MMP20: variants seen among roughly 807,000 people sequenced by gnomAD.
The protein encoded by MMP20 is matrix metallopeptidase 20, also known as matrix metalloproteinase-20.
In MMP20, 50 loss-of-function variants were observed where a neutral mutation model predicts 51.8. That is an observed-to-expected ratio of 0.97 (90% CI 0.77 to 1.22). The LOEUF (loss-of-function observed/expected upper bound fraction) is 1.22. Ranked by LOEUF, MMP20 falls within the 50% of genes most tolerant of loss-of-function variation. The probability of loss-of-function intolerance (pLI) is 0.00; values close to 1 mark genes in which losing one functional copy is unlikely to be tolerated. For missense variants in MMP20, 663 were observed against 601.4 expected (o/e 1.10, Z -1.07); for synonymous variants, 244 against 216.2 (o/e 1.13, Z -1.13).
At chr11:102,616,782 T>C in intron 2 of MMP20, 30 bp downstream of exon 2, 2 of 1,613,404 alleles carry the variant, frequency 1.2e-6, no homozygotes, top group Non-Finnish European at 1.7e-6. Flanking sequence ...GGTGTTTTTC[T>C]CTGAATTTGG....
chr11:102,620,517 G>GA (rs11383572), intron 1 of MMP20, among the ~76,000 whole-genome samples: 113,797 of 151,992 alleles, frequency 0.75, 42,835 homozygotes, highest in East Asian at 0.92. Flanking sequence ...TAAAATTGTA[G>GA]ATTTTTGGGT....
At position 102,577,237 on chromosome 11, in the gene MMP20, C is replaced by T; in HGVS notation, c.*89G>A. The T allele has an allele frequency of 1.2e-6, 1 of 849,748 alleles. No individual in the cohort carries two copies. The highest frequency in any genetic ancestry group is 1.8e-5 in the Admixed American group (1 of 55,188). 52.6% of individuals were successfully genotyped at this position (849,748 alleles called of 1,614,324 possible). On this transcript the variant is annotated 3_prime_UTR_variant, in exon 10 of 10. Coordinates refer to ENST00000260228, the MANE Select transcript of MMP20 (RefSeq NM_004771.4). ...TGATTTGAAGGCCTTTGGAAGAATCCCTCTCCTACATTCTGCTTTAGTCCT... is the reference window on the plus strand; with the variant it reads ...TGATTTGAAGGCCTTTGGAAGAATCTCTCTCCTACATTCTGCTTTAGTCCT...
intron 1 of MMP20, among the ~76,000 whole-genome samples, chr11:102,623,095 T>C (rs905369855): frequency 2.6e-5 from 4 of 152,136 alleles, no homozygotes; most frequent in Non-Finnish European, 5.9e-5. Flanking sequence ...GAGTATGTCA[T>C]AAGGGAGACA....
intron 6 of MMP20, among the ~76,000 whole-genome samples, chr11:102,603,287 G>A (rs1859471813): frequency 6.6e-6 from 1 of 152,162 alleles, no homozygotes; most frequent in Non-Finnish European, 1.5e-5. Context: ...TAGAACTGTG[G>A]CTTGAAAGAA....
intron 6 of MMP20, among the ~76,000 whole-genome samples, chr11:102,603,893 C>A (rs908168057): frequency 6.6e-6 from 1 of 152,212 alleles, no homozygotes; most frequent in African/African-American, 2.4e-5. Context: ...ACGTCTCTTG[C>A]ACCAATGTCT....
At chr11:102,578,097 C>A (rs1859147664) in intron 9 of MMP20, among the ~76,000 whole-genome samples, 1 of 151,696 alleles carries the variant, frequency 6.6e-6, no homozygotes, top group African/African-American at 2.4e-5. Flanking sequence ...TGTTAAATTG[C>A]AGGAGTTGGA....
At chr11:102,580,711 T>G (rs947218648) in intron 8 of MMP20, among the ~76,000 whole-genome samples, 1 of 152,208 alleles carries the variant, frequency 6.6e-6, no homozygotes, top group Non-Finnish European at 1.5e-5. Flanking sequence ...CTACTTTTCA[T>G]TTTACTAAGT....
intron 2 of MMP20, among the ~76,000 whole-genome samples, chr11:102,614,988 G>C (rs1008536650): frequency 5.3e-5 from 8 of 150,902 alleles, no homozygotes; most frequent in Non-Finnish European, 1.2e-4. Context: ...ATAATAAAAT[G>C]TAGTGAAATA....
At chr11:102,612,890 C>T (rs1051488604) in intron 2 of MMP20, among the ~76,000 whole-genome samples, 1 of 152,052 alleles carries the variant, frequency 6.6e-6, no homozygotes, top group Non-Finnish European at 1.5e-5. Context: ...GTGCCCGCCA[C>T]CACGCCGGGC....
intron 1 of MMP20, among the ~76,000 whole-genome samples, chr11:102,622,955 C>G (rs1001827518): frequency 1.3e-5 from 2 of 152,076 alleles, no homozygotes; most frequent in Non-Finnish European, 2.9e-5. Flanking sequence ...GAGGTTCAGC[C>G]AGATCATTCC....
At chr11:102,592,518 A>G (rs1452860592) in intron 8 of MMP20, among the ~76,000 whole-genome samples, 1 of 152,230 alleles carries the variant, frequency 6.6e-6, no homozygotes. Flanking sequence ...GATGACAAAT[A>G]TTTGTTTTGA....
chr11:102,585,113 G>A (rs1042107693), intron 8 of MMP20, among the ~76,000 whole-genome samples: 2 of 151,942 alleles, frequency 1.3e-5, no homozygotes, highest in African/African-American at 4.8e-5. Flanking sequence ...CGTGAGTTTC[G>A]AGTTTCAAGA....
At chr11:102,582,661 T>C (rs1306241796) in intron 8 of MMP20, among the ~76,000 whole-genome samples, 1 of 152,074 alleles carries the variant, frequency 6.6e-6, no homozygotes, top group African/African-American at 2.4e-5. Flanking sequence ...AGGAAAATGA[T>C]AGTGAGGAGA....
At chr11:102,593,384 T>C (rs1434355679) in intron 8 of MMP20, 55 bp downstream of exon 8, 1 of 1,582,380 alleles carries the variant, frequency 6.3e-7, no homozygotes, top group Non-Finnish European at 8.6e-7. Context: ...TTTTTATCTT[T>C]TTAAAATCAT....
chr11:102,616,993 T>C lies in MMP20; in HGVS notation c.193A>G (p.Ser65Gly). The part of the protein sequence containing the change: ...HQIGEMVARG[S>G]NSMIRKIKEL... ...TTAATCTTCCTTATCATGGAATTGCTTCCTCTTGCAACCATCTCACCAATC... is the reference window on the plus strand; with the variant it reads ...TTAATCTTCCTTATCATGGAATTGCCTCCTCTTGCAACCATCTCACCAATC... The change falls in exon 2 of 10, where the codon AGC becomes GGC. Residue 65 changes from serine (S) to glycine (G), a missense_variant. By Grantham distance (56) the Ser-to-Gly change is moderately conservative (BLOSUM62 0). Coordinates refer to ENST00000260228, the MANE Select transcript of MMP20 (RefSeq NM_004771.4). The C allele has an allele frequency of 6.2e-7, 1 of 1,614,194 alleles. No homozygotes were observed. Among genetic ancestry groups the C allele is most frequent in the Non-Finnish European group, 8.5e-7 (1 of 1,180,024 alleles).
chr11:102,614,696 A>G (rs990272862), intron 2 of MMP20, among the ~76,000 whole-genome samples: 2 of 152,102 alleles, frequency 1.3e-5, no homozygotes, highest in African/African-American at 2.4e-5. Context: ...ATAGCAGGTA[A>G]CAAGTGGCCT....
In MMP20 at chr11:102,609,036, T is replaced by G. The variant is rs1227213953; in HGVS notation, c.712A>C (p.Thr238Pro). Reference protein sequence around the residue: ...FGHALGLAHSTDPSALMYPTY... With the variant: ...FGHALGLAHSPDPSALMYPTY... The stretch of plus-strand genomic sequence containing the variant: ...GGGTACATCAGTGCTGATGGGTCTG[T>G]GGAATGGGCCAGGCCCAGGGCATGG... Residue 238 changes from threonine (T) to proline (P), a missense_variant, in exon 5 of 10, where the codon ACA (threonine) becomes CCA (proline). Coordinates refer to ENST00000260228, the MANE Select transcript of MMP20 (RefSeq NM_004771.4). 3 of 1,614,016 alleles carry G rather than the reference T, an allele frequency of 1.9e-6. No individual in the cohort carries two copies. Among genetic ancestry groups the G allele is most frequent in the East Asian group, 2.2e-5 (1 of 44,886 alleles).
chr11:102,613,843 A>C (rs1859633325), intron 2 of MMP20, among the ~76,000 whole-genome samples: 1 of 152,216 alleles, frequency 6.6e-6, no homozygotes, highest in Non-Finnish European at 1.5e-5. Flanking sequence ...GCATAATATG[A>C]GTCTGCAATT....
At chr11:102,612,419 C>A (rs7115479) in intron 2 of MMP20, among the ~76,000 whole-genome samples, 1 of 152,002 alleles carries the variant, frequency 6.6e-6, no homozygotes, top group South Asian at 2.1e-4. Context: ...GAGCCAAGAT[C>A]GGGCGACTGC....
Sources: gnomAD v4.1 joint callset for allele counts (sites outside exome capture counted in the v4.1 genomes callset) on GRCh38, gnomAD v4.1.1 for gene constraint, MANE v1.5 for transcripts, NCBI Gene and HGNC (gene_info 2026-07-23, HGNC 2026-07-21) for gene names.